DDX52: variants seen among roughly 807,000 people sequenced by gnomAD.
DDX52 encodes probable ATP-dependent RNA helicase DDX52.
A neutral mutation model predicts 76.1 loss-of-function variants in DDX52; 59 were observed. The ratio of observed to expected loss-of-function variants is 0.78; its 90% CI spans 0.63 to 0.96. DDX52 has a LOEUF of 0.96. Among genes scored for constraint, DDX52 ranks in the 40% least tolerant of loss-of-function variants. DDX52 has a pLI of 0.00. For missense variants in DDX52, 707 were observed against 703.9 expected, an observed-to-expected ratio of 1.00 and a Z score of -0.05; for synonymous variants, 231 against 244.1, an observed-to-expected ratio of 0.95 and a Z score of 0.50.
At chr17:37,635,653 T>C in intron 2 of DDX52, 1 of 455,706 alleles carries the variant, frequency 2.2e-6, no homozygotes, top group Non-Finnish European at 4.4e-6. Flanking sequence ...ATAAGCAATG[T>C]TGCTATGAAA....
chr17:37,621,411 C>A lies in DDX52; in HGVS notation c.1337G>T (p.Arg446Ile). 6.2e-7 allele frequency: 1 copy of A among 1,612,562 alleles called. No homozygotes were observed. The change falls in exon 10 of 15, where the codon AGA becomes ATA. Residue 446 changes from arginine to isoleucine, a missense_variant. Coordinates refer to ENST00000617633, the MANE Select transcript of DDX52 (RefSeq NM_007010.5). ...ATTTGACTTTACCTGTTGTTGTGTT[C>A]TCTCTGCATGAATAACATCCACATT... is the stretch of plus-strand genomic sequence containing the variant. The part of the protein sequence containing the change: ...GINVDVIHAE[R>I]TQQQRDNTVH...
At chr17:37,616,893 G>A (rs1350313158) in intron 14 of DDX52, among the ~76,000 whole-genome samples, 1 of 151,998 alleles carries the variant, frequency 6.6e-6, no homozygotes, top group East Asian at 1.9e-4. Context: ...GAAAACTCTT[G>A]TTCACTTATT....
At chr17:37,614,496 G>C in intron 14 of DDX52, 143 bp from the exon 15 acceptor site, 1 of 753,982 alleles carries the variant, frequency 1.3e-6, no homozygotes, top group Non-Finnish European at 2.1e-6. Flanking sequence ...AGATGCATTA[G>C]ACATGGTCTC....
At chr17:37,630,648 T>TG (rs1491116633) in intron 4 of DDX52, among the ~76,000 whole-genome samples, 6 of 151,096 alleles carry the variant, frequency 4.0e-5, no homozygotes, top group South Asian at 4.2e-4. Context: ...TGTTTTTTTT[T>TG]TTTTTTTTTT....
intron 2 of DDX52, among the ~76,000 whole-genome samples, chr17:37,637,181 A>G (rs1211651456): frequency 2.0e-5 from 3 of 151,856 alleles, no homozygotes; most frequent in African/African-American, 7.3e-5. Flanking sequence ...GCTGGAGTGC[A>G]GTGGTGTGAT....
chr17:37,629,256 CACACACACACACACACACACAT>C lies in DDX52; in HGVS notation c.748-606_748-585del, dbSNP rs1360549325. 2.5e-3 allele frequency among the ~76,000 whole-genome samples: 368 copies of C among 150,066 alleles called. 2 individuals carry two copies. The highest frequency in any genetic ancestry group is 8.9e-3 in the African/African-American group (354 of 39,916). On this transcript the variant is annotated intron_variant, in intron 5 of 14. Coordinates refer to ENST00000617633, the MANE Select transcript of DDX52 (RefSeq NM_007010.5). ...ACACACACACACACACACACACACA[CACACACACACACACACACACAT>C]AGTACTATTACAAGACTATTTCATA...
intron 2 of DDX52, among the ~76,000 whole-genome samples, chr17:37,636,223 G>C (rs1036170879): frequency 1.3e-5 from 2 of 152,052 alleles, no homozygotes; most frequent in Non-Finnish European, 2.9e-5. Flanking sequence ...AACTTTTATA[G>C]TTTTAAAACT....
At chr17:37,632,014 G>A (rs570926223) in intron 4 of DDX52, 99 bp downstream of exon 4, 1 of 1,525,510 alleles carries the variant, frequency 6.6e-7, no homozygotes, top group Non-Finnish European at 9.0e-7. Context: ...TTTAACAGGG[G>A]AGATAAGGTG....
At chr17:37,634,099 C>G (rs1192338682) in intron 2 of DDX52, among the ~76,000 whole-genome samples, 1 of 151,770 alleles carries the variant, frequency 6.6e-6, no homozygotes, top group African/African-American at 2.4e-5. Flanking sequence ...AATCCGCCAC[C>G]ATGCCCGGCT....
At chr17:37,625,627 A>G (rs2030326337) in intron 8 of DDX52, among the ~76,000 whole-genome samples, 1 of 152,198 alleles carries the variant, frequency 6.6e-6, no homozygotes, top group Non-Finnish European at 1.5e-5. Context: ...CTAGGTGGCC[A>G]CAGAGCTCAT....
At chr17:37,619,745 T>A in intron 13 of DDX52, 23 bp downstream of exon 13, 1 of 1,582,852 alleles carries the variant, frequency 6.3e-7, no homozygotes, top group Non-Finnish European at 8.6e-7. Context: ...CAGACAAAGA[T>A]ACAGGTAAAT....
chr17:37,637,195 G>A (rs1032067945), intron 2 of DDX52, among the ~76,000 whole-genome samples: 16 of 150,630 alleles, frequency 1.1e-4, no homozygotes, highest in Non-Finnish European at 1.8e-4. Context: ...GTGTGATCTC[G>A]GCTTCGGCTC....
chr17:37,638,137 T>C (rs1456711081), intron 2 of DDX52, among the ~76,000 whole-genome samples: 4 of 152,208 alleles, frequency 2.6e-5, no homozygotes, highest in African/African-American at 9.6e-5. Flanking sequence ...AAAGCAAAAG[T>C]TGACCAGTCA....
At position 37,624,389 on chromosome 17, in the gene DDX52, T is replaced by C; in HGVS notation, c.1182A>G (p.Gly394=). The C allele has an allele frequency of 6.2e-7, 1 of 1,609,052 alleles. No homozygotes were observed. The highest frequency in any genetic ancestry group is 8.5e-7 in the Non-Finnish European group (1 of 1,176,656). Residue 394 remains glycine (G), a synonymous_variant, in exon 9 of 15, where the codon GGA becomes GGG. Transcript: ENST00000617633. ...CGGCCAGAAGTTTTCCGGTCTCAGA[T>C]CCAACAAAGAGAAGCTCTTGTTCTA... The part of the protein sequence containing the change: ...ETVEQELLFV[G]SETGKLLAVR...
chr17:37,632,344 TAC>T, intron 3 of DDX52, 46 bp from the exon 4 acceptor site: 1 of 1,595,826 alleles, frequency 6.3e-7, no homozygotes, highest in Non-Finnish European at 8.6e-7. Context: ...GCCAAATAAA[TAC>T]ATTCTCAGAT....
At chr17:37,638,443 G>C (rs1003173636) in intron 2 of DDX52, among the ~76,000 whole-genome samples, 4 of 152,202 alleles carry the variant, frequency 2.6e-5, no homozygotes, top group African/African-American at 9.6e-5. Flanking sequence ...AGCTAGTATT[G>C]GTGTACAAAT....
In DDX52 at chr17:37,631,900, G is replaced by A. The variant is rs1372774223; in HGVS notation, c.603+213C>T. 4 of 596,666 alleles carry A rather than the reference G, an allele frequency of 6.7e-6. No homozygotes were observed. The Admixed American group carries it at 9.5e-5, about 14-fold the overall frequency. 37.0% of individuals were successfully genotyped at this position (596,666 alleles called of 1,614,324 possible). On this transcript the variant is annotated intron_variant, in intron 4 of 14. Coordinates refer to ENST00000617633, the MANE Select transcript of DDX52 (RefSeq NM_007010.5). ...ACCATGGAAGAACTGCAGTGTGGGG[G>A]AAAGGGTACTAGAAAAGGAAGAAGA...
rs143352139 is a variant in DDX52, at chr17:37,626,054, T to C, written c.977A>G (p.Asp326Gly). 4 of 1,614,010 alleles carry C rather than the reference T, an allele frequency of 2.5e-6. No homozygotes were observed. The highest frequency in any genetic ancestry group is 2.7e-5 in the African/African-American group (2 of 74,882). ...VVDESDKLFE[D>G]GKTGFRDQLA... ...CTGGTCTCTGAACCCAGTTTTGCCA[T>C]CTTCAAACAGTTTATCTGATTCGTC... The change falls in exon 8 of 15, where the codon GAT becomes GGT. Residue 326 changes from aspartate (D) to glycine (G), a missense_variant. Transcript: ENST00000617633.
chr17:37,633,494 A>C, intron 2 of DDX52, 76 bp from the exon 3 acceptor site: 2 of 1,207,316 alleles, frequency 1.7e-6, no homozygotes, highest in South Asian at 3.9e-5. Context: ...TTCAAAAAAA[A>C]ATTAAAAATT....
Sources: allele counts gnomAD v4.1 joint callset (sites outside exome capture counted in the v4.1 genomes callset), GRCh38; gene constraint gnomAD v4.1.1; transcripts MANE v1.5; gene names NCBI Gene and HGNC (gene_info 2026-07-23, HGNC 2026-07-21).